GAB1: variants seen among roughly 807,000 people sequenced by gnomAD.
GAB1 encodes the protein GRB2 associated binding protein 1.
A neutral mutation model predicts 66.5 loss-of-function variants in GAB1; 19 were observed. The observed-to-expected ratio is 0.29, with a 90% CI of 0.20 to 0.42. The LOEUF is 0.42. GAB1 is among the 10% of genes least tolerant of loss of function. The pLI, the probability that GAB1 is intolerant of heterozygous loss-of-function variation, is 1.00. For synonymous variants in GAB1, 294 were observed against 301.4 expected (o/e 0.98, Z 0.25); for missense variants, 732 against 858.5 (o/e 0.85, Z 1.84).
chr4:143,381,738 A>G (rs1730667331), intron 1 of GAB1, among the ~76,000 whole-genome samples: 2 of 152,216 alleles, frequency 1.3e-5, no homozygotes, highest in Non-Finnish European at 2.9e-5. Context: ...AGGCATTATA[A>G]AGACAACTGA....
At chr4:143,383,369 G>T (rs1174929226) in intron 1 of GAB1, among the ~76,000 whole-genome samples, 3 of 152,138 alleles carry the variant, frequency 2.0e-5, no homozygotes, top group Admixed American at 6.5e-5. Flanking sequence ...CACATTCTTT[G>T]TCCTCTTATA....
intron 1 of GAB1, among the ~76,000 whole-genome samples, chr4:143,411,813 A>G (rs1219493290): frequency 6.6e-6 from 1 of 152,162 alleles, no homozygotes; most frequent in Non-Finnish European, 1.5e-5. Context: ...GAACCTTTGT[A>G]TCTGCCTTAT....
At chr4:143,454,625 C>G (rs1735086156) in intron 6 of GAB1, among the ~76,000 whole-genome samples, 1 of 152,138 alleles carries the variant, frequency 6.6e-6, no homozygotes, top group South Asian at 2.1e-4. Flanking sequence ...TAAAACCGGT[C>G]TTAGGGTTGC....
intron 1 of GAB1, among the ~76,000 whole-genome samples, chr4:143,373,078 CAT>C (rs1491195177): frequency 2.7e-5 from 4 of 148,226 alleles, no homozygotes; most frequent in African/African-American, 5.0e-5. Context: ...CACACACACA[CAT>C]CTGTGTTACT....
At chr4:143,444,636 A>AG (rs1453952256) in intron 6 of GAB1, among the ~76,000 whole-genome samples, 2 of 152,072 alleles carry the variant, frequency 1.3e-5, no homozygotes, top group Admixed American at 6.6e-5. Flanking sequence ...TTTTAGTTTT[A>AG]GGGGGGTGCA....
In GAB1 at chr4:143,384,371, C is replaced by A. The variant is rs183263564; in HGVS notation, c.73-31106C>A. ...AAAGTGAAATAATTTTGAAACATTT[C>A]TTTCCTTTAAATTTGAAGTAAGGTT... On this transcript the variant is annotated intron_variant, in intron 1 of 9. Coordinates refer to ENST00000262994, the MANE Select transcript of GAB1 (RefSeq NM_002039.4). 5.6e-4 allele frequency among the ~76,000 whole-genome samples: 85 copies of A among 152,290 alleles called. 1 individual carries two copies. Among genetic ancestry groups the A allele is most frequent in the African/African-American group, 2.0e-3 (82 of 41,566 alleles).
chr4:143,364,006 G>C (rs28989214), intron 1 of GAB1, among the ~76,000 whole-genome samples: 10 of 152,050 alleles, frequency 6.6e-5, no homozygotes, highest in Non-Finnish European at 1.0e-4. Flanking sequence ...TGGCCAACAG[G>C]GTGAAACCCC....
chr4:143,390,465 C>T (rs1321566657), intron 1 of GAB1, among the ~76,000 whole-genome samples: 1 of 150,200 alleles, frequency 6.7e-6, no homozygotes, highest in Non-Finnish European at 1.5e-5. Context: ...AGGTTTTTGA[C>T]TTTGCATCAT....
In GAB1 at chr4:143,460,435, A is replaced by T. The variant is rs1470962025; in HGVS notation, c.1751A>T (p.Asp584Val). Residue 584 changes from aspartate to valine, a missense_variant, in exon 8 of 10, where the codon GAC (aspartate) becomes GTC (valine). By Grantham distance (152) the Asp-to-Val change is radical. This residue lies in a region of GAB1 where 204 missense variants were observed against 276.8 expected (regional missense o/e 0.74). Transcript: ENST00000262994. ...ACAACTTCAAGCAGTGACTCACACG[A>T]CAGTGAAGAGAATTATGTTCCCATG... ...HSTTSSSDSH[D>V]SEENYVPMNP... 1 of 1,613,758 alleles carries T rather than the reference A, an allele frequency of 6.2e-7. No homozygotes were observed. Among genetic ancestry groups the T allele is most frequent in the African/African-American group, 1.3e-5 (1 of 75,040 alleles).
At chr4:143,352,368 C>G (rs1237833106) in intron 1 of GAB1, among the ~76,000 whole-genome samples, 1 of 152,202 alleles carries the variant, frequency 6.6e-6, no homozygotes, top group East Asian at 1.9e-4. Flanking sequence ...AGCCCACTCT[C>G]CAAGCTTTCT....
chr4:143,342,604 A>G (rs1247716051), intron 1 of GAB1, among the ~76,000 whole-genome samples: 10 of 126,520 alleles, frequency 7.9e-5, no homozygotes. Context: ...AGGCTGGAGT[A>G]CAATGGCATG....
intron 1 of GAB1, chr4:143,349,160 C>A (rs1337091164): frequency 1.9e-5 from 8 of 429,822 alleles, no homozygotes; most frequent in South Asian, 4.1e-5. Context: ...CTTCATAGGT[C>A]CCCCCCTTCC....
At chr4:143,448,427 C>G (rs961482213) in intron 6 of GAB1, among the ~76,000 whole-genome samples, 6 of 151,618 alleles carry the variant, frequency 4.0e-5, no homozygotes. Flanking sequence ...GTCCTGGACT[C>G]TTTTTGGTTG....
chr4:143,451,509 G>C (rs958281588), intron 6 of GAB1, among the ~76,000 whole-genome samples: 2 of 152,120 alleles, frequency 1.3e-5, no homozygotes, highest in Non-Finnish European at 2.9e-5. Flanking sequence ...TAAATCTTAA[G>C]TCAAGCTTTG....
intron 1 of GAB1, among the ~76,000 whole-genome samples, chr4:143,411,126 G>A (rs113424731): frequency 2.6e-5 from 4 of 152,076 alleles, no homozygotes; most frequent in African/African-American, 4.8e-5. Flanking sequence ...AAGAAGTGAC[G>A]CTGGAGAGAT....
At chr4:143,437,164 A>G (rs1190981942) in intron 3 of GAB1, among the ~76,000 whole-genome samples, 1 of 152,206 alleles carries the variant, frequency 6.6e-6, no homozygotes, top group Non-Finnish European at 1.5e-5. Flanking sequence ...AATCATAGTT[A>G]TTTAAAGAAA....
At chr4:143,458,680 C>A (rs1735327101) in intron 6 of GAB1, among the ~76,000 whole-genome samples, 1 of 151,880 alleles carries the variant, frequency 6.6e-6, no homozygotes, top group Non-Finnish European at 1.5e-5. Context: ...AAATAAAGAT[C>A]ACTTATAAAT....
chr4:143,411,239 G>A (rs904524504), intron 1 of GAB1, among the ~76,000 whole-genome samples: 6 of 152,130 alleles, frequency 3.9e-5, no homozygotes, highest in Admixed American at 2.0e-4. Flanking sequence ...TGAGCATAGG[G>A]AATTGGCTTC....
At chr4:143,446,316 G>C (rs1266899473) in intron 6 of GAB1, among the ~76,000 whole-genome samples, 3 of 152,190 alleles carry the variant, frequency 2.0e-5, no homozygotes, top group African/African-American at 7.2e-5. Context: ...CCCAGTAATG[G>C]GATGGCTGGG....
Sources: allele counts gnomAD v4.1 joint callset (sites outside exome capture counted in the v4.1 genomes callset), GRCh38; gene constraint gnomAD v4.1.1; regional missense constraint gnomAD v4.1.1; transcripts MANE v1.5; gene names NCBI Gene and HGNC (gene_info 2026-07-23, HGNC 2026-07-21).